Variants in GPC5 observed in about 807,000 individuals in gnomAD.
GPC5 encodes glypican-5.
GPC5 carries 47 observed loss-of-function variants against 53.9 expected under a neutral mutation model. The observed-to-expected ratio is 0.87, with a 90% CI of 0.69 to 1.11. The LOEUF is 1.11. Ranked by LOEUF, GPC5 falls within the 50% of genes most tolerant of loss-of-function variation. The pLI, the probability that GPC5 is intolerant of heterozygous loss-of-function variation, is 0.00. For missense variants in GPC5, 748 were observed against 713.1 expected (o/e 1.05, Z -0.56); for synonymous variants, 286 against 263.3 (o/e 1.09, Z -0.84).
chr13:91,699,559 A>G (rs2035952134), intron 3 of GPC5, among the ~76,000 whole-genome samples: 2 of 152,302 alleles, frequency 1.3e-5, no homozygotes, highest in South Asian at 4.1e-4. Context: ...GATTTAGTAC[A>G]TGGCTCTTCT....
intron 6 of GPC5, among the ~76,000 whole-genome samples, chr13:92,083,517 T>C (rs1176588938): frequency 6.6e-6 from 1 of 152,214 alleles, no homozygotes; most frequent in Non-Finnish European, 1.5e-5. Context: ...GCATCATGTA[T>C]ACATATGTAA....
rs190062409 is a variant in GPC5, at chr13:92,512,996, C to T, written c.1562-353286C>T. On this transcript the variant is annotated intron_variant, in intron 7 of 7. Coordinates refer to ENST00000377067, the MANE Select transcript of GPC5 (RefSeq NM_004466.6). ...GAGTTCCTGGATAACAGCCACATTG[C>T]TACATCCTGGCAACTGTCCTCCATG... is the stretch of plus-strand genomic sequence containing the variant. Among the ~76,000 whole-genome samples, 406 of 152,292 alleles carry T rather than the reference C, an allele frequency of 2.7e-3. 1 individual carries two copies. Among genetic ancestry groups the T allele is most frequent in the African/African-American group, 9.5e-3 (395 of 41,566 alleles).
At chr13:92,588,398 C>A (rs963920369) in intron 7 of GPC5, among the ~76,000 whole-genome samples, 2 of 152,202 alleles carry the variant, frequency 1.3e-5, no homozygotes, top group Non-Finnish European at 2.9e-5. Flanking sequence ...AGCCTTAACA[C>A]TGCGTGTGTT....
At chr13:92,727,450 C>T (rs1209831126) in intron 7 of GPC5, among the ~76,000 whole-genome samples, 2 of 151,338 alleles carry the variant, frequency 1.3e-5, no homozygotes, top group Non-Finnish European at 3.0e-5. Flanking sequence ...GTTCAAAATG[C>T]TTTTCCTTTG....
chr13:92,233,028 C>T lies in GPC5; in HGVS notation c.1561+88039C>T, dbSNP rs367609660. Among the ~76,000 whole-genome samples, 20 of 152,324 alleles carry T rather than the reference C, an allele frequency of 1.3e-4. No individual in the cohort carries two copies. The East Asian group carries it at 2.5e-3, about 19-fold the overall frequency. On this transcript the variant is annotated intron_variant, in intron 7 of 7. Coordinates refer to ENST00000377067, the MANE Select transcript of GPC5 (RefSeq NM_004466.6). The stretch of plus-strand genomic sequence containing the variant: ...TGTGAATGTCGGCCACTCTTTGTAG[C>T]TGCCATGTAATCTTTTGGGCTATCT...
intron 3 of GPC5, among the ~76,000 whole-genome samples, chr13:91,714,373 A>C (rs571323909): frequency 2.0e-4 from 30 of 152,340 alleles, no homozygotes; most frequent in African/African-American, 7.2e-4. Context: ...ATACAATCAC[A>C]CACACACACC....
chr13:91,585,316 A>C (rs750574227), intron 2 of GPC5, among the ~76,000 whole-genome samples: 127 of 152,332 alleles, frequency 8.3e-4, no homozygotes, highest in Non-Finnish European at 1.4e-3. Context: ...ATGCATATAC[A>C]TGAAGACTAA....
At chr13:91,637,324 C>G (rs2034309191) in intron 2 of GPC5, among the ~76,000 whole-genome samples, 1 of 152,206 alleles carries the variant, frequency 6.6e-6, no homozygotes, top group Non-Finnish European at 1.5e-5. Context: ...TCAAATATCT[C>G]TTCCCCTAAA....
rs2034661115 is a variant in GPC5 at position 91,650,095 on chromosome 13, C to G, written c.326-43092C>G. Among the ~76,000 whole-genome samples, 4 of 152,168 alleles carry G rather than the reference C, an allele frequency of 2.6e-5. No homozygotes were observed. The South Asian group carries it at 8.3e-4, about 32-fold the overall frequency. ...ACATACTCTGAACTGGACTGCAAATCTTATTCAGTATTTAACAATTTTCAT... is the reference window on the plus strand; with the variant it reads ...ACATACTCTGAACTGGACTGCAAATGTTATTCAGTATTTAACAATTTTCAT... On this transcript the variant is annotated intron_variant, in intron 2 of 7. Coordinates refer to ENST00000377067, the MANE Select transcript of GPC5 (RefSeq NM_004466.6).
intron 7 of GPC5, among the ~76,000 whole-genome samples, chr13:92,401,114 G>A (rs538222125): frequency 1.8e-4 from 27 of 151,770 alleles, no homozygotes; most frequent in African/African-American, 6.5e-4. Flanking sequence ...TGTTGAATTG[G>A]CCAATAATTT....
chr13:92,692,467 G>C (rs1306277944), intron 7 of GPC5, among the ~76,000 whole-genome samples: 1 of 145,946 alleles, frequency 6.9e-6, no homozygotes, highest in Non-Finnish European at 1.5e-5. Context: ...CTCCACAGTA[G>C]CTGAACTAAT....
intron 2 of GPC5, among the ~76,000 whole-genome samples, chr13:91,679,833 C>A (rs768531412): frequency 6.6e-6 from 1 of 152,058 alleles, no homozygotes; most frequent in Non-Finnish European, 1.5e-5. Flanking sequence ...TTGCATAAAG[C>A]AAGTCTTCTG....
chr13:91,734,760 A>C (rs1414755835), intron 4 of GPC5, among the ~76,000 whole-genome samples: 1 of 151,460 alleles, frequency 6.6e-6, no homozygotes, highest in African/African-American at 2.5e-5. Flanking sequence ...TTTAATTTCC[A>C]AATATTTTTC....
chr13:91,437,242 G>T (rs1880051990), intron 1 of GPC5, among the ~76,000 whole-genome samples: 1 of 152,144 alleles, frequency 6.6e-6, no homozygotes, highest in Admixed American at 6.5e-5. Context: ...GATGTTAGCT[G>T]GTTATTTTGC....
chr13:92,582,060 A>G (rs1252908344), intron 7 of GPC5, among the ~76,000 whole-genome samples: 2 of 152,016 alleles, frequency 1.3e-5, no homozygotes, highest in African/African-American at 2.4e-5. Flanking sequence ...GTTTGATGCA[A>G]TCCTCTTTGT....
At chr13:92,329,368 G>A (rs969485620) in intron 7 of GPC5, among the ~76,000 whole-genome samples, 8 of 152,046 alleles carry the variant, frequency 5.3e-5, no homozygotes, top group Non-Finnish European at 8.8e-5. Flanking sequence ...GGAGGTCCCA[G>A]ACGTACAAAC....
At chr13:92,492,018 G>C (rs1566614282) in intron 7 of GPC5, among the ~76,000 whole-genome samples, 3 of 151,884 alleles carry the variant, frequency 2.0e-5, no homozygotes, top group Admixed American at 6.6e-5. Flanking sequence ...ATTTAAGTCT[G>C]TCCCCAAAAG....
intron 6 of GPC5, among the ~76,000 whole-genome samples, chr13:92,023,032 ACT>A (rs1440036899): frequency 6.6e-6 from 1 of 151,946 alleles, no homozygotes; most frequent in Non-Finnish European, 1.5e-5. Flanking sequence ...AAAATATTTG[ACT>A]CTGTTTCACT....
At chr13:91,525,668 A>C (rs982374575) in intron 2 of GPC5, among the ~76,000 whole-genome samples, 2 of 152,158 alleles carry the variant, frequency 1.3e-5, no homozygotes, top group African/African-American at 4.8e-5. Flanking sequence ...CCAATCCTTC[A>C]GTTGGTATTG....
Sources: gnomAD v4.1 joint callset for allele counts (sites outside exome capture counted in the v4.1 genomes callset) on GRCh38, gnomAD v4.1.1 for gene constraint, MANE v1.5 for transcripts, NCBI Gene and HGNC (gene_info 2026-07-23, HGNC 2026-07-21) for gene names.